TRIOBP: variants seen among roughly 807,000 people sequenced by gnomAD.
TRIOBP encodes the protein TRIO and F-actin-binding protein.
A neutral mutation model predicts 238.8 loss-of-function variants in TRIOBP; 169 were observed. The observed-to-expected ratio is 0.71, with a 90% CI of 0.62 to 0.80. TRIOBP has a LOEUF of 0.80. Ranked by LOEUF, TRIOBP falls within the 30% of genes least tolerant of loss-of-function variation. TRIOBP has a pLI of 0.00. For synonymous variants in TRIOBP, 1,150 were observed against 1,274.4 expected (o/e 0.90, Z 2.08); for missense variants, 2,838 against 3,122.6 (o/e 0.91, Z 2.17).
chr22:37,773,028 C>G (rs1004873119), intron 23 of TRIOBP, among the ~76,000 whole-genome samples: 1 of 152,228 alleles, frequency 6.6e-6, no homozygotes, highest in Non-Finnish European at 1.5e-5. Flanking sequence ...GTGCACCCCC[C>G]TTCTTGGGGC....
intron 4 of TRIOBP, 151 bp downstream of exon 4, chr22:37,710,717 T>C: frequency 1.8e-6 from 2 of 1,091,346 alleles, no homozygotes; most frequent in Non-Finnish European, 2.5e-6. Flanking sequence ...CACAGGTGGG[T>C]GGTGGGCATG....
At chr22:37,759,054 C>G in intron 16 of TRIOBP, 100 bp from the exon 17 acceptor site, 1 of 989,660 alleles carries the variant, frequency 1.0e-6, no homozygotes, top group Non-Finnish European at 1.6e-6. Context: ...GGACGCTGGG[C>G]TTGTATCCGT....
intron 6 of TRIOBP, 32 bp from the exon 7 acceptor site, chr22:37,723,153 C>A (rs1162928507): frequency 6.2e-7 from 1 of 1,611,766 alleles, no homozygotes; most frequent in South Asian, 1.1e-5. Context: ...GGACCTCTCC[C>A]CTTACCTTGA....
At position 37,726,188 on chromosome 22, in the gene TRIOBP, T is replaced by C. The variant is rs1219970598; in HGVS notation, c.3632T>C (p.Val1211Ala). ...ACTGACTCTCTGCATGGCTCCCCAGTGCTGATCCCCCAAGTGTGCATCGGG... is the reference window on the plus strand; with the variant it reads ...ACTGACTCTCTGCATGGCTCCCCAGCGCTGATCCCCCAAGTGTGCATCGGG... ...PSTDSLHGSP[V>A]LIPQVCIGHR... Residue 1211 changes from valine to alanine, a missense_variant, in exon 7 of 24, where the codon GTG becomes GCG. This residue lies in a region of TRIOBP where 2,096 missense variants were observed against 2,137.4 expected (regional missense o/e 0.98). Coordinates refer to ENST00000644935, the MANE Select transcript of TRIOBP (RefSeq NM_001039141.3). 6 of 1,559,752 alleles carry C rather than the reference T, an allele frequency of 3.8e-6. No homozygotes were observed. Among genetic ancestry groups the C allele is most frequent in the Non-Finnish European group, 5.2e-6 (6 of 1,154,782 alleles).
At chr22:37,730,677 C>T (rs923732069) in intron 7 of TRIOBP, among the ~76,000 whole-genome samples, 1 of 152,102 alleles carries the variant, frequency 6.6e-6, no homozygotes, top group African/African-American at 2.4e-5. Flanking sequence ...TGCAGTGGCT[C>T]ATGCTTGTAA....
chr22:37,729,276 C>T (rs543744916), intron 7 of TRIOBP, among the ~76,000 whole-genome samples: 15 of 151,326 alleles, frequency 9.9e-5, no homozygotes, highest in Non-Finnish European at 2.2e-4. Context: ...AGTGCAGTGG[C>T]GTGATCATGG....
chr22:37,746,583 G>C (rs889294395), intron 11 of TRIOBP, among the ~76,000 whole-genome samples: 6 of 152,224 alleles, frequency 3.9e-5, no homozygotes, highest in Non-Finnish European at 5.9e-5. Context: ...CTTTCGGCCA[G>C]ACCGGCCTCA....
chr22:37,762,268 G>A (rs932567723), intron 17 of TRIOBP, among the ~76,000 whole-genome samples: 5 of 152,240 alleles, frequency 3.3e-5, no homozygotes, highest in African/African-American at 1.2e-4. Flanking sequence ...GTCTCACTAT[G>A]TTCCCTGGGC....
Position 37,734,724 on chromosome 22 carries a change from G to A in TRIOBP, c.4388G>A (p.Gly1463Glu), listed in dbSNP as rs1476315073. 1 of 1,609,724 alleles carries A rather than the reference G, an allele frequency of 6.2e-7. No individual in the cohort carries two copies. Among genetic ancestry groups the A allele is most frequent in the Non-Finnish European group, 8.5e-7 (1 of 1,178,506 alleles). Residue 1463 changes from glycine (G) to glutamate (E), a missense_variant, in exon 9 of 24, where the codon GGA becomes GAA. Physicochemically the swap from Gly to Glu is moderately conservative, Grantham distance 98 (BLOSUM62 -2). Around this residue, in one of 5 missense-constraint regions of TRIOBP, gnomAD observed 2,096 missense variants for 2,137.4 expected, o/e 0.98. Coordinates refer to ENST00000644935, the MANE Select transcript of TRIOBP (RefSeq NM_001039141.3). ...GGCCCTGGGGGCTGGTGGGGATGTG[G>A]AGAGCCCAGCCTGGGGGCAGCCAAA... ...GLGPGGWWGC[G>E]EPSLGAAKAP...
At chr22:37,740,745 C>G in intron 10 of TRIOBP, 150 bp from the exon 11 acceptor site, 1 of 1,175,452 alleles carries the variant, frequency 8.5e-7, no homozygotes, top group Non-Finnish European at 1.2e-6. Context: ...AGTTAACCAG[C>G]TCGTCTCGGC....
At chr22:37,771,862 C>G in intron 22 of TRIOBP, 126 bp downstream of exon 22, 1 of 853,688 alleles carries the variant, frequency 1.2e-6, no homozygotes, top group Non-Finnish European at 1.9e-6. Context: ...TCCTGTGCTT[C>G]TCCCATGTAG....
chr22:37,718,275 G>C (rs977913881), intron 6 of TRIOBP, among the ~76,000 whole-genome samples: 1 of 152,244 alleles, frequency 6.6e-6, no homozygotes, highest in South Asian at 2.1e-4. Flanking sequence ...GGCCAGCCCA[G>C]GAAGGGGCTC....
rs1017760001 is a variant in TRIOBP, at chr22:37,725,831, C to T, written c.3275C>T (p.Ser1092Leu). 1.9e-6 allele frequency: 3 copies of T among 1,609,430 alleles called. No individual in the cohort carries two copies. The highest frequency in any genetic ancestry group is 2.5e-6 in the Non-Finnish European group (3 of 1,178,264). ...CCCTTCCCCTTCCTCCCAGACACATCAGATGCCGAGCATCAGTGTCAGTCC... is the reference window on the plus strand; with the variant it reads ...CCCTTCCCCTTCCTCCCAGACACATTAGATGCCGAGCATCAGTGTCAGTCC... Reference protein sequence around the residue: ...FDPFPFLPDTSDAEHQCQSPQ... With the variant: ...FDPFPFLPDTLDAEHQCQSPQ... Residue 1092 changes from serine to leucine, a missense_variant, in exon 7 of 24, where the codon TCA becomes TTA. By Grantham distance (145) the Ser-to-Leu change is moderately radical. Transcript: ENST00000644935.
rs770007342 is a variant in TRIOBP, at chr22:37,734,742, C to T, written c.4406C>T (p.Ala1469Val). ...GGATGTGGAGAGCCCAGCCTGGGGGCAGCCAAAGCCCCGGAGGGAGCATGG... is the reference window on the plus strand; with the variant it reads ...GGATGTGGAGAGCCCAGCCTGGGGGTAGCCAAAGCCCCGGAGGGAGCATGG... ...WWGCGEPSLG[A>V]AKAPEGAWGG... The change falls in exon 9 of 24, where the codon GCA (alanine) becomes GTA (valine). Residue 1469 changes from alanine (A) to valine (V), a missense_variant. By Grantham distance (64) the Ala-to-Val change is moderately conservative. This residue lies in a region of TRIOBP where 2,096 missense variants were observed against 2,137.4 expected (regional missense o/e 0.98). Transcript: ENST00000644935. 6.2e-7 allele frequency: 1 copy of T among 1,610,878 alleles called. No individual in the cohort carries two copies. The highest frequency in any genetic ancestry group is 8.5e-7 in the Non-Finnish European group (1 of 1,179,128).
rs1569040172 is a variant in TRIOBP at position 37,723,420 on chromosome 22, C to CTGGAG, written c.864_865insTGGAG (p.Thr289TrpfsTer592). On this transcript the variant is annotated frameshift_variant, in exon 7 of 24. Coordinates refer to ENST00000644935, the MANE Select transcript of TRIOBP (RefSeq NM_001039141.3). LOFTEE classifies it high-confidence loss of function. ...CTCCCCATCGAATCACCCAAAGGGA[C>CTGGAG]ACCTCCAGGGCCTCATCCACCCAAC... 1 of 1,611,766 alleles carries CTGGAG rather than the reference C, an allele frequency of 6.2e-7. No individual in the cohort carries two copies. Among genetic ancestry groups the CTGGAG allele is most frequent in the African/African-American group, 1.4e-5 (1 of 74,026 alleles).
intron 11 of TRIOBP, among the ~76,000 whole-genome samples, chr22:37,745,368 C>T (rs564870257): frequency 6.6e-6 from 1 of 152,174 alleles, no homozygotes; most frequent in African/African-American, 2.4e-5. Flanking sequence ...TGAAATTGAG[C>T]ACCGAGAGGT....
intron 3 of TRIOBP, among the ~76,000 whole-genome samples, chr22:37,708,542 ACT>A (rs1923071572): frequency 6.6e-6 from 1 of 151,986 alleles, no homozygotes; most frequent in Admixed American, 6.6e-5. Flanking sequence ...TAAGAGCGAG[ACT>A]CTGTCTCAAA....
Position 37,723,443 on chromosome 22 carries a change from A to C in TRIOBP, c.887A>C (p.Gln296Pro), listed in dbSNP as rs763277255. 1 of 1,613,146 alleles carries C rather than the reference A, an allele frequency of 6.2e-7. No homozygotes were observed. Among genetic ancestry groups the C allele is most frequent in the South Asian group, 1.1e-5 (1 of 91,010 alleles). Reference protein sequence around the residue: ...QRDTSRASSTQQEISRASSTQ... With the variant: ...QRDTSRASSTPQEISRASSTQ... The stretch of plus-strand genomic sequence containing the variant: ...GACACCTCCAGGGCCTCATCCACCC[A>C]ACAGGAAATCTCCAGGGCCTCATCC... The change falls in exon 7 of 24, where the codon CAA becomes CCA. Residue 296 changes from glutamine to proline, a missense_variant. By Grantham distance (76) the Gln-to-Pro change is moderately conservative (BLOSUM62 -1). Coordinates refer to ENST00000644935, the MANE Select transcript of TRIOBP (RefSeq NM_001039141.3).
chr22:37,739,556 C>T (rs1026416213), intron 10 of TRIOBP, among the ~76,000 whole-genome samples: 1 of 152,192 alleles, frequency 6.6e-6, no homozygotes, highest in East Asian at 1.9e-4. Flanking sequence ...CAGTGGCTAG[C>T]TGGACTGGGA....
Sources: gnomAD v4.1 joint callset for allele counts (sites outside exome capture counted in the v4.1 genomes callset) on GRCh38, gnomAD v4.1.1 for gene constraint, gnomAD v4.1.1 regional missense constraint, MANE v1.5 for transcripts, NCBI Gene and HGNC (gene_info 2026-07-23, HGNC 2026-07-21) for gene names.